Variants in PEX13 observed in about 807,000 individuals in gnomAD.
PEX13 encodes the protein peroxisome biogenesis factor 13.
In PEX13, 28 loss-of-function variants were observed where a neutral mutation model predicts 34.5. That is an observed-to-expected ratio of 0.81 (90% CI 0.60 to 1.11). PEX13 has a LOEUF of 1.11. Among genes scored for constraint, PEX13 ranks in the 50% most tolerant of loss-of-function variants. The probability of loss-of-function intolerance (pLI) is 0.00; values close to 1 mark genes in which losing one functional copy is unlikely to be tolerated. For missense variants in PEX13, 550 were observed against 491.0 expected (o/e 1.12, Z -1.13); for synonymous variants, 177 against 175.1 (o/e 1.01, Z -0.09).
chr2:61,019,611 G>T (rs1680211260), intron 1 of PEX13, among the ~76,000 whole-genome samples: 1 of 151,876 alleles, frequency 6.6e-6, no homozygotes, highest in Non-Finnish European at 1.5e-5. Context: ...TTTCCATATA[G>T]GTAACTAATT....
At position 61,017,799 on chromosome 2, in the gene PEX13, A is replaced by T; in HGVS notation, c.40A>T (p.Thr14Ser). Residue 14 changes from threonine (T) to serine (S), a missense_variant, in exon 1 of 4, where the codon ACC becomes TCC. Transcript: ENST00000295030. ...QPPPPPKPWE[T>S]RRIPGAGPGP... ...GCCACCTCCCCCCAAACCCTGGGAG[A>T]CCCGCCGAATTCCGGGAGCCGGACC... 1 of 1,550,156 alleles carries T rather than the reference A, an allele frequency of 6.5e-7. No individual in the cohort carries two copies. Among genetic ancestry groups the T allele is most frequent in the Non-Finnish European group, 8.7e-7 (1 of 1,146,828 alleles).
intron 1 of PEX13, chr2:61,018,086 G>A: frequency 1.3e-6 from 2 of 1,522,660 alleles, no homozygotes; most frequent in Non-Finnish European, 1.8e-6. Context: ...GAGCTCCTGG[G>A]CGTCTCTCTG....
intron 1 of PEX13, among the ~76,000 whole-genome samples, chr2:61,021,559 A>C (rs191510862): frequency 3.8e-4 from 58 of 152,342 alleles, no homozygotes; most frequent in African/African-American, 1.3e-3. Context: ...AGCAAGGCCT[A>C]CTGCCTCCAT....
At chr2:61,042,536 A>G (rs909868232) in intron 2 of PEX13, among the ~76,000 whole-genome samples, 7 of 152,204 alleles carry the variant, frequency 4.6e-5, no homozygotes, top group African/African-American at 1.7e-4. Flanking sequence ...CAATGACACT[A>G]TAGCTATGTT....
At chr2:61,034,980 A>G (rs957742217) in intron 2 of PEX13, among the ~76,000 whole-genome samples, 3 of 152,352 alleles carry the variant, frequency 2.0e-5, no homozygotes, top group South Asian at 2.1e-4. Flanking sequence ...CTCTGAGCAC[A>G]GTGTGCGAGC....
At position 61,048,481 on chromosome 2, in the gene PEX13, C is replaced by G; in HGVS notation, c.923C>G (p.Pro308Arg). The G allele has an allele frequency of 6.2e-7, 1 of 1,613,650 alleles. No individual in the cohort carries two copies. The highest frequency in any genetic ancestry group is 8.5e-7 in the Non-Finnish European group (1 of 1,179,750). ...MLNLALKEQQ[P>R]KVRGWLLASL... ...CTTTTTTTTCCATCAGAACAACAAC[C>G]CAAAGTGCGTGGTTGGCTTCTGGCT... Residue 308 changes from proline to arginine, a missense_variant, in exon 4 of 4, where the codon CCC becomes CGC. Transcript: ENST00000295030.
At chr2:61,021,526 C>A (rs1200663461) in intron 1 of PEX13, among the ~76,000 whole-genome samples, 1 of 152,248 alleles carries the variant, frequency 6.6e-6, no homozygotes, top group African/African-American at 2.4e-5. Context: ...GAAGCTTGAA[C>A]TGGGAGGAGC....
Position 61,024,605 on chromosome 2 carries a change from C to T in PEX13, c.92+6754C>T, listed in dbSNP as rs537019647. ...CGCGTGGATCACGAGGTCAGGAGATCGAGACCATCCTGGCTAACATGGTGA... is the reference window on the plus strand; with the variant it reads ...CGCGTGGATCACGAGGTCAGGAGATTGAGACCATCCTGGCTAACATGGTGA... On this transcript the variant is annotated intron_variant, in intron 1 of 3. Coordinates refer to ENST00000295030, the MANE Select transcript of PEX13 (RefSeq NM_002618.4). 3.9e-5 allele frequency among the ~76,000 whole-genome samples: 6 copies of T among 152,208 alleles called. No individual in the cohort carries two copies. The East Asian group carries it at 7.7e-4, about 20-fold the overall frequency.
chr2:61,041,648 T>C (rs115817350), intron 2 of PEX13, among the ~76,000 whole-genome samples: 3,847 of 152,088 alleles, frequency 0.025, 141 homozygotes, highest in African/African-American at 0.087. Context: ...AAAGAAAAGA[T>C]TAGCAGTGAA....
In PEX13 at chr2:61,048,525, A is replaced by C. The variant is rs753122073; in HGVS notation, c.967A>C (p.Thr323Pro). ...WLLASLDGQT[T>P]GLIPANYVKI... ...TCTGGCTAGCCTTGATGGCCAAACA[A>C]CAGGACTTATACCTGCGAATTATGT... is the stretch of plus-strand genomic sequence containing the variant. Residue 323 changes from threonine (T) to proline (P), a missense_variant, in exon 4 of 4, where the codon ACA becomes CCA. Thr to Pro is a conservative substitution (Grantham distance 38). Transcript: ENST00000295030. The C allele has an allele frequency of 2.5e-6, 4 of 1,614,032 alleles. No individual in the cohort carries two copies. The highest frequency in any genetic ancestry group is 3.4e-6 in the Non-Finnish European group (4 of 1,179,980).
At chr2:61,019,612 G>T (rs560057010) in intron 1 of PEX13, among the ~76,000 whole-genome samples, 121 of 151,972 alleles carry the variant, frequency 8.0e-4, no homozygotes, top group Admixed American at 3.4e-3. Flanking sequence ...TTCCATATAG[G>T]TAACTAATTG....
intron 3 of PEX13, among the ~76,000 whole-genome samples, chr2:61,046,678 G>A (rs1027776499): frequency 2.6e-5 from 4 of 152,106 alleles, no homozygotes; most frequent in African/African-American, 9.7e-5. Flanking sequence ...TAAGTAAATT[G>A]TCCAGTATCA....
In PEX13 at chr2:61,031,491, T is replaced by A; in HGVS notation, c.165T>A (p.Ile55=). The A allele has an allele frequency of 1.2e-6, 2 of 1,614,192 alleles. No homozygotes were observed. The highest frequency in any genetic ancestry group is 1.7e-6 in the Non-Finnish European group (2 of 1,180,020). The change falls in exon 2 of 4, where the codon ATT becomes ATA. Residue 55 remains isoleucine (I), a synonymous_variant. Coordinates refer to ENST00000295030, the MANE Select transcript of PEX13 (RefSeq NM_002618.4). ...QPALTRVPPP[I]LPRPSQQTGS... is the part of the protein sequence containing the mutation. ...CACTTACCAGAGTGCCCCCACCTAT[T>A]CTTCCAAGGCCATCACAGCAGACAG... is the stretch of plus-strand genomic sequence containing the variant.
chr2:61,033,165 G>A (rs1463741798), intron 2 of PEX13, among the ~76,000 whole-genome samples: 1 of 152,100 alleles, frequency 6.6e-6, no homozygotes, highest in African/African-American at 2.4e-5. Context: ...AAGGATTTGG[G>A]TTGTATTCAC....
intron 2 of PEX13, among the ~76,000 whole-genome samples, chr2:61,039,325 C>T (rs971676510): frequency 1.3e-5 from 2 of 152,162 alleles, no homozygotes; most frequent in African/African-American, 2.4e-5. Flanking sequence ...GGAGGCATCA[C>T]ACTACCTGAC....
intron 1 of PEX13, among the ~76,000 whole-genome samples, chr2:61,027,476 T>C (rs1014838539): frequency 3.7e-4 from 56 of 152,234 alleles, no homozygotes; most frequent in African/African-American, 1.2e-3. Flanking sequence ...CTTAGTTCTG[T>C]AACTTTCTCA....
intron 2 of PEX13, among the ~76,000 whole-genome samples, chr2:61,040,774 T>C (rs900800050): frequency 3.0e-4 from 45 of 147,990 alleles, no homozygotes; most frequent in South Asian, 1.1e-3. Context: ...TATATATATA[T>C]ACCTATATAT....
chr2:61,044,393 C>T lies in PEX13; in HGVS notation c.788-1333C>T, dbSNP rs141649701. Among the ~76,000 whole-genome samples, 1,189 of 152,254 alleles carry T rather than the reference C, an allele frequency of 7.8e-3. 17 individuals are homozygous for T. Among genetic ancestry groups the T allele is most frequent in the Middle Eastern group, 0.037 (11 of 294 alleles). On this transcript the variant is annotated intron_variant, in intron 2 of 3. Transcript: ENST00000295030. Reference sequence around the variant, plus strand: ...AAGCGATTCAAGCTGAGACTATAGGCGCGTGCCACCACATCTGCCTAATTT... The same window carrying T: ...AAGCGATTCAAGCTGAGACTATAGGTGCGTGCCACCACATCTGCCTAATTT...
chr2:61,017,774 GC>G lies in PEX13; in HGVS notation c.17del (p.Pro6HisfsTer34). ...AGGCGGAGGAGATGGCGTCCCAGCCGCCACCTCCCCCCAAACCCTGGGAGAC... is the reference window on the plus strand; with the variant it reads ...AGGCGGAGGAGATGGCGTCCCAGCCGCACCTCCCCCCAAACCCTGGGAGAC... MASQP[P>X]PPPKPWETRR... On this transcript the variant is annotated frameshift_variant, in exon 1 of 4. Coordinates refer to ENST00000295030, the MANE Select transcript of PEX13 (RefSeq NM_002618.4). LOFTEE classifies it high-confidence loss of function. The G allele has an allele frequency of 6.5e-7, 1 of 1,549,786 alleles. No homozygotes were observed. Among genetic ancestry groups the G allele is most frequent in the South Asian group, 1.2e-5 (1 of 83,916 alleles).
Sources: allele counts gnomAD v4.1 joint callset (sites outside exome capture counted in the v4.1 genomes callset), GRCh38; gene constraint gnomAD v4.1.1; transcripts MANE v1.5; gene names NCBI Gene and HGNC (gene_info 2026-07-23, HGNC 2026-07-21).